Variants in POM121 observed in about 807,000 individuals in gnomAD.
POM121 encodes the protein nuclear envelope pore membrane protein POM 121.
A neutral mutation model predicts 81.3 loss-of-function variants in POM121; 32 were observed. That is an observed-to-expected ratio of 0.39 (90% CI 0.30 to 0.53). The LOEUF (loss-of-function observed/expected upper bound fraction) is 0.53. POM121 is among the 20% of genes least tolerant of loss of function. The pLI is 0.66. For missense variants in POM121, 1,138 were observed against 1,614.6 expected (o/e 0.70, Z 5.06); for synonymous variants, 514 against 694.2 (o/e 0.74, Z 4.08).
intron 4 of POM121, among the ~76,000 whole-genome samples, chr7:72,916,912 T>C (rs1794340961): frequency 6.6e-6 from 1 of 152,252 alleles, no homozygotes; most frequent in Admixed American, 6.5e-5. Context: ...AGTTTTTGTC[T>C]GCTAAGTCCA....
At chr7:72,889,770 G>A (rs1245976559) in intron 1 of POM121, among the ~76,000 whole-genome samples, 2 of 152,032 alleles carry the variant, frequency 1.3e-5, no homozygotes, top group Non-Finnish European at 2.9e-5. Flanking sequence ...TTCCCATCTC[G>A]GCCTCCCAAA....
chr7:72,925,680 C>G lies in POM121; in HGVS notation c.559C>G (p.Pro187Ala). The change falls in exon 1 of 13, where the codon CCC (proline) becomes GCC (alanine). Residue 187 changes from proline (P) to alanine (A), a missense_variant. Coordinates refer to ENST00000434423, the MANE Select transcript of POM121 (RefSeq NM_001387691.1). ...PRSPPPRSPPPSPPTHRAHHV... is the reference protein window; with the variant it reads ...PRSPPPRSPPASPPTHRAHHV... ...CTCCCCACCGCCGCGCTCCCCCCCG[C>G]CCTCCCCGCCGACCCATCGCGCTCA... 2 of 1,235,082 alleles carry G rather than the reference C, an allele frequency of 1.6e-6. No individual in the cohort carries two copies. Among genetic ancestry groups the G allele is most frequent in the Non-Finnish European group, 2.0e-6 (2 of 991,170 alleles). The allele number at this position is 1,235,082 out of a possible 1,614,324, so 76.5% of individuals were successfully genotyped here. A position where few individuals can be genotyped will look rare whatever the true frequency, so the allele number is the denominator to read the frequency against.
At chr7:72,923,529 TCTC>T (rs1183308609), upstream of POM121, among the ~76,000 whole-genome samples, 1 of 150,770 alleles carries the variant, frequency 6.6e-6, no homozygotes. Context: ...TTCAAGCAAT[TCTC>T]CTGCCTCAGC....
chr7:72,943,849 A>G (rs1797388326), intron 11 of POM121, among the ~76,000 whole-genome samples: 2 of 152,326 alleles, frequency 1.3e-5, no homozygotes, highest in African/African-American at 4.8e-5. Flanking sequence ...ACTAGCCTGG[A>G]CAACTTGGCG....
chr7:72,948,780 G>A, downstream of POM121: 1 of 1,581,748 alleles, frequency 6.3e-7, no homozygotes, highest in Non-Finnish European at 8.7e-7. Context: ...AGGCCTCGGT[G>A]GGGCCGGGCA....
chr7:72,904,145 G>A (rs1295704690), intron 3 of POM121, among the ~76,000 whole-genome samples: 1 of 152,184 alleles, frequency 6.6e-6, no homozygotes, highest in African/African-American at 2.4e-5. Context: ...CTCCCTGCCT[G>A]CAGGGAGGAT....
In POM121 at chr7:72,942,393, T is replaced by TCCCACCACAACTGCC; in HGVS notation, c.2403_2417dup (p.Thr802_Pro806dup). The TCCCACCACAACTGCC allele has an allele frequency of 6.4e-7, 1 of 1,563,474 alleles. No individual in the cohort carries two copies. Among genetic ancestry groups the TCCCACCACAACTGCC allele is most frequent in the Non-Finnish European group, 8.6e-7 (1 of 1,164,660 alleles). The stretch of plus-strand genomic sequence containing the variant: ...AGCAGACAACTACTCCCGCCACTGC[T>TCCCACCACAACTGCC]CCCACCACAACTGCCCCGCTCTTCA... On this transcript the variant is annotated inframe_insertion, in exon 11 of 13. Coordinates refer to ENST00000434423, the MANE Select transcript of POM121 (RefSeq NM_001387691.1).
chr7:72,949,067 C>T, downstream of POM121: 1 of 1,613,376 alleles, frequency 6.2e-7, no homozygotes, highest in Non-Finnish European at 8.5e-7. Flanking sequence ...CTAGGTGTCC[C>T]TGCCCCGGGC....
chr7:72,903,393 C>G (rs781826405), intron 3 of POM121, among the ~76,000 whole-genome samples: 2 of 152,156 alleles, frequency 1.3e-5, no homozygotes, highest in Admixed American at 6.5e-5. Flanking sequence ...GTGGAGATCA[C>G]ACCACTGCAC....
intron 3 of POM121, among the ~76,000 whole-genome samples, chr7:72,897,087 G>C (rs1792038457): frequency 6.6e-6 from 1 of 152,058 alleles, no homozygotes; most frequent in Non-Finnish European, 1.5e-5. Flanking sequence ...GGGAGTCTAA[G>C]GTTGCAGTGA....
intron 4 of POM121, among the ~76,000 whole-genome samples, chr7:72,915,160 G>A (rs1794176892): frequency 6.6e-6 from 1 of 152,168 alleles, no homozygotes; most frequent in South Asian, 2.1e-4. Context: ...CCCTGGTAAT[G>A]TTAGATTGTT....
intron 1 of POM121, among the ~76,000 whole-genome samples, chr7:72,886,363 G>A (rs1463215198): frequency 6.6e-6 from 1 of 151,904 alleles, no homozygotes. Context: ...TAGTAGAGAC[G>A]AGGTTTCGCC....
intron 3 of POM121, 24 bp from the exon 4 acceptor site, chr7:72,928,361 T>G: frequency 6.2e-7 from 1 of 1,614,126 alleles, no homozygotes; most frequent in East Asian, 2.2e-5. Flanking sequence ...GTCATTTCAT[T>G]GAGACTTTTT....
chr7:72,946,265 C>T lies in POM121; in HGVS notation c.*31C>T. 6.2e-7 allele frequency: 1 copy of T among 1,607,418 alleles called. No individual in the cohort carries two copies. The highest frequency in any genetic ancestry group is 8.5e-7 in the Non-Finnish European group (1 of 1,177,596). On this transcript the variant is annotated 3_prime_UTR_variant, in exon 13 of 13. Coordinates refer to ENST00000434423, the MANE Select transcript of POM121 (RefSeq NM_001387691.1). The stretch of plus-strand genomic sequence containing the variant: ...GTCCCCTGTCCCTGTTCCCCCCACC[C>T]CTTCCCTAAATCTGGACCTTGGCAC...
At chr7:72,939,467 A>T (rs1311762981) in intron 7 of POM121, 58 bp downstream of exon 7, 2 of 1,604,558 alleles carry the variant, frequency 1.2e-6, no homozygotes, top group Non-Finnish European at 1.7e-6. Context: ...TTTGTGGAGG[A>T]TGTAGAGATT....
chr7:72,924,851 A>G, upstream of POM121: 1 of 447,176 alleles, frequency 2.2e-6, no homozygotes, highest in South Asian at 5.5e-5. Context: ...TTACGTAAGC[A>G]TAGGTCTCGG....
intron 3 of POM121, among the ~76,000 whole-genome samples, chr7:72,911,411 A>G (rs1793791388): frequency 6.6e-6 from 1 of 152,242 alleles, no homozygotes; most frequent in African/African-American, 2.4e-5. Flanking sequence ...GATAACCTTC[A>G]GGGTGTTACT....
intron 3 of POM121, 75 bp downstream of exon 3, chr7:72,927,038 T>C: frequency 1.2e-6 from 2 of 1,607,238 alleles, no homozygotes; most frequent in Non-Finnish European, 1.7e-6. Flanking sequence ...CATTCCCATA[T>C]AGATACAGAG....
At position 72,946,008 on chromosome 7, in the gene POM121, T is replaced by C. The variant is rs1269309215; in HGVS notation, c.3653-129T>C. ...GGCTTCTCCCGTACAGTGTTTCTGATGCAGCGGGGAAAGCCCTATTGAGGC... is the reference window on the plus strand; with the variant it reads ...GGCTTCTCCCGTACAGTGTTTCTGACGCAGCGGGGAAAGCCCTATTGAGGC... On this transcript the variant is annotated intron_variant, in intron 12 of 12. Coordinates refer to ENST00000434423, the MANE Select transcript of POM121 (RefSeq NM_001387691.1). The C allele has an allele frequency of 4.5e-4, 660 of 1,453,322 alleles. 3 individuals are homozygous for C. The highest frequency in any genetic ancestry group is 9.2e-4 in the Admixed American group (34 of 36,948). The allele number at this position is 1,453,322 out of a possible 1,614,324, so 90.0% of individuals were successfully genotyped here.
Sources: allele counts gnomAD v4.1 joint callset (sites outside exome capture counted in the v4.1 genomes callset), GRCh38; gene constraint gnomAD v4.1.1; transcripts MANE v1.5; gene names NCBI Gene and HGNC (gene_info 2026-07-23, HGNC 2026-07-21).